Variants in TENM2 observed in about 807,000 individuals in gnomAD.
TENM2 encodes teneurin transmembrane protein 2.
TENM2 carries 52 observed loss-of-function variants against 245.2 expected under a neutral mutation model. The observed-to-expected ratio is 0.21, with a 90% CI of 0.17 to 0.27. The LOEUF is 0.27. Ranked by LOEUF, TENM2 falls within the 10% of genes least tolerant of loss-of-function variation. The pLI, the probability that TENM2 is intolerant of heterozygous loss-of-function variation, is 1.00. For synonymous variants in TENM2, 1,363 were observed against 1,438.9 expected (o/e 0.95, Z 1.19); for missense variants, 3,046 against 3,666.8 (o/e 0.83, Z 4.37).
Position 167,465,016 on chromosome 5 carries a change from G to A in TENM2, c.502+89543G>A, listed in dbSNP as rs114833518. Among the ~76,000 whole-genome samples the A allele has an allele frequency of 3.5e-3, 532 of 152,286 alleles. 4 individuals are homozygous for A. The highest frequency in any genetic ancestry group is 3.2e-3 in the Non-Finnish European group (221 of 68,024). Reference sequence around the variant, plus strand: ...ACTACATGACATTGATGTGTTTACCGTGGGAAAGTTTTAAAGCACCGTTCT... The same window carrying A: ...ACTACATGACATTGATGTGTTTACCATGGGAAAGTTTTAAAGCACCGTTCT... On this transcript the variant is annotated intron_variant, in intron 2 of 28. Transcript: ENST00000518659.
chr5:167,651,592 T>C (rs1226316951), intron 2 of TENM2, among the ~76,000 whole-genome samples: 1 of 152,136 alleles, frequency 6.6e-6, no homozygotes, highest in Non-Finnish European at 1.5e-5. Context: ...CAATTTAGTT[T>C]TTACTTCCAA....
At chr5:167,202,435 G>A in the TENM2 span, among the ~76,000 whole-genome samples, 24,443 of 152,056 alleles carry the variant, frequency 0.16, 2,087 homozygotes, top group South Asian at 0.2. Flanking sequence ...CTCAGGGCAA[G>A]TGAAGGAATT....
Position 167,426,546 on chromosome 5 carries a change from C to CAAAA in TENM2, c.502+51090_502+51093dup, listed in dbSNP as rs59491444. On this transcript the variant is annotated intron_variant, in intron 2 of 28. Coordinates refer to ENST00000518659, the Ensembl canonical transcript of TENM2. Reference sequence around the variant, plus strand: ...GCAACATAGTGACACCTTGCCTTTACAAAAAAAAAAAAAAAAAAAATTCTA... The same window carrying CAAAA: ...GCAACATAGTGACACCTTGCCTTTACAAAAAAAAAAAAAAAAAAAAAAAATTCTA... Among the ~76,000 whole-genome samples, 295 of 102,226 alleles carry CAAAA rather than the reference C, an allele frequency of 2.9e-3. 3 individuals carry two copies. The highest frequency in any genetic ancestry group is 3.3e-3 in the African/African-American group (97 of 29,204). The allele number at this position is 102,226 out of a possible 152,430, so 67.1% of individuals were successfully genotyped here.
chr5:168,110,473 C>A (rs1794594458), intron 9 of TENM2, among the ~76,000 whole-genome samples: 1 of 152,140 alleles, frequency 6.6e-6, no homozygotes, highest in Non-Finnish European at 1.5e-5. Flanking sequence ...AGCAAAGTGT[C>A]CATAGTCACA....
the TENM2 span, among the ~76,000 whole-genome samples, chr5:167,053,354 C>T: frequency 9.2e-5 from 14 of 152,278 alleles, no homozygotes; most frequent in African/African-American, 2.6e-4. Context: ...ATCTCAGACT[C>T]GGAAGCACTT....
chr5:167,271,880 G>A, the TENM2 span, among the ~76,000 whole-genome samples: 4 of 152,110 alleles, frequency 2.6e-5, no homozygotes, highest in South Asian at 2.1e-4. Flanking sequence ...AACAGGAAGC[G>A]AATTTCCTTT....
rs565896928 is a variant in TENM2 at position 167,520,981 on chromosome 5, A to G, written c.502+145508A>G. Among the ~76,000 whole-genome samples, 15 of 137,078 alleles carry G rather than the reference A, an allele frequency of 1.1e-4. No homozygotes were observed. The South Asian group carries it at 3.4e-3, about 31-fold the overall frequency. 89.9% of individuals were successfully genotyped at this position (137,078 alleles called of 152,430 possible). A position where few individuals can be genotyped will look rare whatever the true frequency, so the allele number is the denominator to read the frequency against. On this transcript the variant is annotated intron_variant, in intron 2 of 28. Transcript: ENST00000518659. Reference sequence around the variant, plus strand: ...AGGTCATGTTTACCACAAACTGCCTATAAATCAGGGCTCGTTCCTAATTAA... The same window carrying G: ...AGGTCATGTTTACCACAAACTGCCTGTAAATCAGGGCTCGTTCCTAATTAA...
chr5:167,264,092 C>G, the TENM2 span, among the ~76,000 whole-genome samples: 1 of 140,936 alleles, frequency 7.1e-6, no homozygotes, highest in Non-Finnish European at 1.5e-5. Flanking sequence ...GCAATAATAA[C>G]GAAACTCTGT....
At chr5:168,253,780 A>G (rs373133911) in intron 27 of TENM2, among the ~76,000 whole-genome samples, 62 of 152,322 alleles carry the variant, frequency 4.1e-4, no homozygotes, top group African/African-American at 1.4e-3. Flanking sequence ...TTCAAAGATG[A>G]AGAGTGAGGA....
chr5:167,479,650 T>C (rs1767629843), intron 2 of TENM2, among the ~76,000 whole-genome samples: 1 of 152,204 alleles, frequency 6.6e-6, no homozygotes, highest in Admixed American at 6.5e-5. Context: ...AAAGTTTTCA[T>C]TTTCACTTTT....
At chr5:167,552,574 C>T (rs774670460) in intron 2 of TENM2, among the ~76,000 whole-genome samples, 65 of 152,298 alleles carry the variant, frequency 4.3e-4, no homozygotes, top group Admixed American at 2.4e-3. Flanking sequence ...TGTGCAGACA[C>T]CTATTGACAT....
intron 3 of TENM2, chr5:167,937,639 A>AT (rs1358831873): frequency 9.9e-5 from 15 of 151,988 alleles, no homozygotes; most frequent in African/African-American, 3.4e-4. Flanking sequence ...CAGTCCTTAC[A>AT]TTTTCTGTTG....
intron 2 of TENM2, among the ~76,000 whole-genome samples, chr5:167,867,860 C>G (rs1561874662): frequency 3.3e-5 from 5 of 152,140 alleles, no homozygotes; most frequent in Admixed American, 2.6e-4. Context: ...TGAAACTTCC[C>G]CCAGTGACAA....
exon 24 of TENM2, chr5:168,226,166 A>C (rs1330976523): frequency 1.9e-6 from 3 of 1,613,588 alleles, no homozygotes; most frequent in East Asian, 4.5e-5. Context: ...AAATGGAGAA[A>C]TCTATTACCA....
chr5:167,297,936 T>A (rs1351197613), intron 1 of TENM2, among the ~76,000 whole-genome samples: 1 of 152,150 alleles, frequency 6.6e-6, no homozygotes, highest in African/African-American at 2.4e-5. Context: ...CATTTTCATT[T>A]CTTTTGTGGT....
At chr5:167,680,458 A>C (rs1756630302) in intron 2 of TENM2, among the ~76,000 whole-genome samples, 1 of 152,088 alleles carries the variant, frequency 6.6e-6, no homozygotes, top group Non-Finnish European at 1.5e-5. Context: ...AAGTGGGGAG[A>C]TTGAAAAGGG....
the TENM2 span, among the ~76,000 whole-genome samples, chr5:167,168,025 C>A: frequency 1.3e-5 from 2 of 152,284 alleles, no homozygotes; most frequent in South Asian, 4.1e-4. Flanking sequence ...GGTATTTACT[C>A]ATCAGACCAG....
chr5:168,039,099 G>C (rs1787955601), intron 5 of TENM2, among the ~76,000 whole-genome samples: 1 of 152,210 alleles, frequency 6.6e-6, no homozygotes, highest in African/African-American at 2.4e-5. Flanking sequence ...CCTCCTTGCA[G>C]AAGGCTATTT....
intron 3 of TENM2, among the ~76,000 whole-genome samples, chr5:167,930,093 A>G (rs1778161492): frequency 6.6e-6 from 1 of 152,212 alleles, no homozygotes; most frequent in Non-Finnish European, 1.5e-5. Context: ...AGATCTCTTT[A>G]CTGCACTCCA....
Sources: gnomAD v4.1 joint callset for allele counts (sites outside exome capture counted in the v4.1 genomes callset) on GRCh38, gnomAD v4.1.1 for gene constraint, MANE v1.5 for transcripts, NCBI Gene and HGNC (gene_info 2026-07-23, HGNC 2026-07-21) for gene names.